Variants in CACNA2D1 observed in about 807,000 individuals in gnomAD.
The protein encoded by CACNA2D1 is calcium voltage-gated channel auxiliary subunit alpha2delta 1, also known as voltage-dependent calcium channel subunit alpha-2/delta-1.
In CACNA2D1, 53 loss-of-function variants were observed where a neutral mutation model predicts 171.5. That is an observed-to-expected ratio of 0.31 (90% CI 0.25 to 0.39). The LOEUF (loss-of-function observed/expected upper bound fraction) is 0.39, where lower values mean the gene tolerates loss of function less well. Among genes scored for constraint, CACNA2D1 ranks in the 10% least tolerant of loss-of-function variants. The pLI, the probability that CACNA2D1 is intolerant of heterozygous loss-of-function variation, is 1.00. For synonymous variants in CACNA2D1, 442 were observed against 443.1 expected (o/e 1.00, Z 0.03); for missense variants, 903 against 1,299.8 (o/e 0.69, Z 4.69).
At chr7:82,254,199 C>T (rs972310242) in intron 3 of CACNA2D1, among the ~76,000 whole-genome samples, 7 of 151,960 alleles carry the variant, frequency 4.6e-5, no homozygotes, top group African/African-American at 1.7e-4. Context: ...AAATATAAAA[C>T]AAACAAAATA....
At chr7:82,214,398 G>A (rs894584505) in intron 3 of CACNA2D1, among the ~76,000 whole-genome samples, 31 of 151,158 alleles carry the variant, frequency 2.1e-4, no homozygotes, top group African/African-American at 7.3e-4. Context: ...CCAGTCATTT[G>A]GTGCAAGTTT....
chr7:82,352,015 T>C (rs1357816220), intron 1 of CACNA2D1, among the ~76,000 whole-genome samples: 1 of 152,216 alleles, frequency 6.6e-6, no homozygotes, highest in East Asian at 1.9e-4. Context: ...CCCTGAATTC[T>C]GATTTATACT....
intron 7 of CACNA2D1, 94 bp from the exon 8 acceptor site, chr7:82,066,618 C>G: frequency 6.8e-7 from 1 of 1,465,908 alleles, no homozygotes; most frequent in Non-Finnish European, 9.1e-7. Flanking sequence ...GCAATAGATA[C>G]ATAATTTCAC....
At chr7:82,312,193 G>T (rs758011024) in intron 3 of CACNA2D1, among the ~76,000 whole-genome samples, 1 of 152,034 alleles carries the variant, frequency 6.6e-6, no homozygotes, top group Non-Finnish European at 1.5e-5. Flanking sequence ...AAATAAATTG[G>T]TCTTACTATA....
At chr7:81,953,453 G>A (rs774621439) in intron 38 of CACNA2D1, among the ~76,000 whole-genome samples, 32 of 152,022 alleles carry the variant, frequency 2.1e-4, no homozygotes, top group Non-Finnish European at 4.1e-4. Context: ...AACAGGCCAA[G>A]CTGTTTACTG....
intron 3 of CACNA2D1, among the ~76,000 whole-genome samples, chr7:82,199,692 T>C (rs1306176496): frequency 6.6e-6 from 1 of 152,088 alleles, no homozygotes; most frequent in East Asian, 1.9e-4. Flanking sequence ...TTCTCACTTA[T>C]AATCTAGCAA....
intron 2 of CACNA2D1, among the ~76,000 whole-genome samples, chr7:82,345,986 A>C (rs1163611229): frequency 6.6e-6 from 1 of 152,080 alleles, no homozygotes; most frequent in East Asian, 1.9e-4. Flanking sequence ...TGCTCAGAAA[A>C]AGGCTCCACT....
At chr7:82,073,376 T>C (rs1287270087) in intron 7 of CACNA2D1, among the ~76,000 whole-genome samples, 1 of 152,198 alleles carries the variant, frequency 6.6e-6, no homozygotes, top group Non-Finnish European at 1.5e-5. Context: ...ATACACTATA[T>C]GCACAGAACT....
chr7:82,401,316 A>G (rs1826381450), intron 1 of CACNA2D1, among the ~76,000 whole-genome samples: 1 of 151,734 alleles, frequency 6.6e-6, no homozygotes, highest in Non-Finnish European at 1.5e-5. Context: ...CAAATGTCCA[A>G]CAATGATAGA....
intron 26 of CACNA2D1, chr7:81,971,060 G>A (rs1795215235): frequency 1.1e-5 from 3 of 270,942 alleles, no homozygotes; most frequent in South Asian, 4.9e-5. Flanking sequence ...GCTGGTGTTT[G>A]GTATAGAAAA....
chr7:82,102,419 G>A (rs1264952540), intron 6 of CACNA2D1, among the ~76,000 whole-genome samples: 1 of 120,182 alleles, frequency 8.3e-6, no homozygotes, highest in Non-Finnish European at 1.9e-5. Flanking sequence ...GAAGATTTAA[G>A]TGGAAATACC....
intron 3 of CACNA2D1, among the ~76,000 whole-genome samples, chr7:82,223,188 G>C (rs10243633): frequency 0.023 from 3,479 of 152,188 alleles, 149 homozygotes; most frequent in African/African-American, 0.079. Context: ...TTATAGGCCT[G>C]AGCCACCGCG....
At position 82,170,334 on chromosome 7, in the gene CACNA2D1, T is replaced by G. The variant is rs38542; in HGVS notation, c.354+216A>C. Among the ~76,000 whole-genome samples, 41,238 of 149,090 alleles carry G rather than the reference T, an allele frequency of 0.28. 5,698 individuals carry two copies. Among genetic ancestry groups the G allele is most frequent in the Admixed American group, 0.3 (4,475 of 14,968 alleles). On this transcript the variant is annotated intron_variant, in intron 4 of 38. Transcript: ENST00000356860. The stretch of plus-strand genomic sequence containing the variant: ...GTTTTAAAGGGTTTTTTGGTTTTTG[T>G]TTTTTTTTGGTAATATGGAACATAA...
rs984389102 is a variant in CACNA2D1, at chr7:82,136,721, A to G, written c.355-45T>C. 6.2e-6 allele frequency: 8 copies of G among 1,290,810 alleles called. 1 individual carries two copies. The highest frequency in any genetic ancestry group is 8.7e-6 in the Non-Finnish European group (8 of 918,214). The allele number at this position is 1,290,810 out of a possible 1,614,324, so 80.0% of individuals were successfully genotyped here. A position where few individuals can be genotyped will look rare whatever the true frequency, so the allele number is the denominator to read the frequency against. ...CTTTATTGATTTTAATAAAAACAAT[A>G]CTGTATCAAATACTGAATACATTTT... On this transcript the variant is annotated intron_variant, in intron 4 of 38. Transcript: ENST00000356860.
At chr7:82,431,743 G>T (rs956865469) in intron 1 of CACNA2D1, among the ~76,000 whole-genome samples, 3 of 151,784 alleles carry the variant, frequency 2.0e-5, no homozygotes, top group Admixed American at 1.3e-4. Context: ...AGGTTAGATG[G>T]ATTAAAAAAC....
In CACNA2D1 at chr7:82,288,092, G is replaced by A. The variant is rs1271635460; in HGVS notation, c.294+47043C>T. 7.9e-5 allele frequency among the ~76,000 whole-genome samples: 12 copies of A among 151,018 alleles called. No homozygotes were observed. The East Asian group carries it at 1.6e-3, about 20-fold the overall frequency. On this transcript the variant is annotated intron_variant, in intron 3 of 38. Transcript: ENST00000356860. ...CCTGACCTCGTGATCTGCCCGCCTC[G>A]GCCTCCCAAAGTGCTGGGATTACAG...
chr7:82,289,432 G>A (rs571829032), intron 3 of CACNA2D1, among the ~76,000 whole-genome samples: 6 of 152,190 alleles, frequency 3.9e-5, no homozygotes, highest in South Asian at 2.1e-4. Context: ...GTTTGTGGAC[G>A]TAAGTTTGCA....
intron 1 of CACNA2D1, among the ~76,000 whole-genome samples, chr7:82,397,847 T>G (rs1825908795): frequency 6.6e-6 from 1 of 152,136 alleles, no homozygotes; most frequent in Admixed American, 6.6e-5. Flanking sequence ...TCACACTGCT[T>G]ATTAGATAAA....
chr7:82,030,323 T>C (rs1364908691), intron 12 of CACNA2D1, among the ~76,000 whole-genome samples: 1 of 150,462 alleles, frequency 6.6e-6, no homozygotes, highest in Admixed American at 6.7e-5. Flanking sequence ...TTTGTGTGTT[T>C]AAAAAAAAGA....
Sources: gnomAD v4.1 joint callset for allele counts (sites outside exome capture counted in the v4.1 genomes callset) on GRCh38, gnomAD v4.1.1 for gene constraint, MANE v1.5 for transcripts, NCBI Gene and HGNC (gene_info 2026-07-23, HGNC 2026-07-21) for gene names.